Variants in VAV2 observed in about 807,000 individuals in gnomAD.
VAV2 encodes the protein guanine nucleotide exchange factor VAV2.
In VAV2, 67 loss-of-function variants were observed where a neutral mutation model predicts 132.5. The ratio of observed to expected loss-of-function variants is 0.51; its 90% CI spans 0.42 to 0.62. The LOEUF is 0.62. VAV2 is among the 20% of genes least tolerant of loss of function. VAV2 has a pLI of 0.00. For missense variants in VAV2, 938 were observed against 1,153.6 expected (o/e 0.81, Z 2.71); for synonymous variants, 492 against 443.5 (o/e 1.11, Z -1.37).
intron 1 of VAV2, among the ~76,000 whole-genome samples, chr9:133,985,143 A>G (rs1030036690): frequency 7.9e-5 from 12 of 151,912 alleles, no homozygotes; most frequent in African/African-American, 2.9e-4. Flanking sequence ...ACATACACCA[A>G]TTCCCCAGGT....
intron 1 of VAV2, among the ~76,000 whole-genome samples, chr9:133,957,628 G>T (rs1040758491): frequency 1.2e-4 from 19 of 152,098 alleles, no homozygotes; most frequent in African/African-American, 4.3e-4. Flanking sequence ...GGCAGAGCAG[G>T]AAATGGAGGA....
intron 2 of VAV2, among the ~76,000 whole-genome samples, chr9:133,875,583 A>G (rs1838229529): frequency 6.6e-6 from 1 of 152,216 alleles, no homozygotes; most frequent in South Asian, 2.1e-4. Flanking sequence ...GGAGGCACAG[A>G]CTGCCCGGCA....
At chr9:133,927,464 G>C (rs543539549) in intron 2 of VAV2, among the ~76,000 whole-genome samples, 1 of 152,138 alleles carries the variant, frequency 6.6e-6, no homozygotes, top group Non-Finnish European at 1.5e-5. Context: ...CCGATTCCAC[G>C]GGGCAGTCTT....
chr9:133,898,407 G>T (rs1839300857), intron 2 of VAV2, among the ~76,000 whole-genome samples: 3 of 151,604 alleles, frequency 2.0e-5, no homozygotes. Context: ...TGGCCAACAT[G>T]GCAAAACCTT....
At chr9:133,878,145 C>T (rs552939418) in intron 2 of VAV2, among the ~76,000 whole-genome samples, 1 of 152,352 alleles carries the variant, frequency 6.6e-6, no homozygotes, top group South Asian at 2.1e-4. Context: ...GCTCAGCACT[C>T]TCCGCCGGCC....
chr9:133,812,012 G>T, intron 5 of VAV2, 102 bp downstream of exon 5: 4 of 1,227,758 alleles, frequency 3.3e-6, no homozygotes, highest in Non-Finnish European at 4.7e-6. Flanking sequence ...CTCCCCTTCG[G>T]TGGCTCAGAC....
At chr9:133,849,330 C>T (rs184172576) in intron 3 of VAV2, among the ~76,000 whole-genome samples, 8 of 152,292 alleles carry the variant, frequency 5.3e-5, no homozygotes, top group African/African-American at 1.9e-4. Flanking sequence ...CCACCAGCTG[C>T]GGGCCTCCTC....
At position 133,802,136 on chromosome 9, in the gene VAV2, G is replaced by T. The variant is rs1203750899; in HGVS notation, c.836+3945C>A. On this transcript the variant is annotated intron_variant, in intron 9 of 29. Coordinates refer to ENST00000371850, the MANE Select transcript of VAV2 (RefSeq NM_001134398.2). This position sits in a 1 kb window ranked among gnomAD's most constrained non-coding sequence, Gnocchi z 5.8. ...TTGACTTTTCCCCGAAAAATGGAGAGAAAATGACAGTGACTCCAAGCCTAT... is the reference window on the plus strand; with the variant it reads ...TTGACTTTTCCCCGAAAAATGGAGATAAAATGACAGTGACTCCAAGCCTAT... Among the ~76,000 whole-genome samples, 4 of 152,118 alleles carry T rather than the reference G, an allele frequency of 2.6e-5. No homozygotes were observed. Among genetic ancestry groups the T allele is most frequent in the Non-Finnish European group, 5.9e-5 (4 of 68,026 alleles).
chr9:133,829,502 A>C (rs959863772), intron 4 of VAV2, among the ~76,000 whole-genome samples: 1 of 152,270 alleles, frequency 6.6e-6, no homozygotes, highest in Non-Finnish European at 1.5e-5. Flanking sequence ...CCTGCGCCCA[A>C]GTGCGAGCTC....
rs535871354 is a variant in VAV2 at position 133,890,779 on chromosome 9, T to C, written c.322-29347A>G. Among the ~76,000 whole-genome samples, 29 of 152,276 alleles carry C rather than the reference T, an allele frequency of 1.9e-4. No individual in the cohort carries two copies. The South Asian group carries it at 5.4e-3, about 28-fold the overall frequency. The stretch of plus-strand genomic sequence containing the variant: ...AGATGGCAGGAGCTCAGCAGCTACC[T>C]TGAAGCACTTAGGTGGAAGCCGCAC... On this transcript the variant is annotated intron_variant, in intron 2 of 29. Transcript: ENST00000371850.
chr9:133,903,959 G>A (rs191352036), intron 2 of VAV2, among the ~76,000 whole-genome samples: 81 of 152,310 alleles, frequency 5.3e-4, no homozygotes, highest in Admixed American at 1.6e-3. Flanking sequence ...AGATGTAAAC[G>A]ATTGAGCAAA....
chr9:133,872,413 T>C (rs1263092655), intron 2 of VAV2, among the ~76,000 whole-genome samples: 1 of 152,242 alleles, frequency 6.6e-6, no homozygotes, highest in Non-Finnish European at 1.5e-5. Context: ...AAAGGGCTGA[T>C]GGCGTCCTCA....
intron 3 of VAV2, among the ~76,000 whole-genome samples, chr9:133,855,980 A>T (rs1160755388): frequency 6.6e-6 from 1 of 152,220 alleles, no homozygotes; most frequent in African/African-American, 2.4e-5. Flanking sequence ...GGCCATAAAG[A>T]GGAATGACGC....
Position 133,834,285 on chromosome 9 carries a change from C to T in VAV2, c.436G>A (p.Glu146Lys). Residue 146 changes from glutamate to lysine, a missense_variant, in exon 4 of 30, where the codon GAG becomes AAG. Physicochemically the swap from Glu to Lys is moderately conservative, Grantham distance 56. Transcript: ENST00000371850. The surrounding 1 kb of genome is among the most constrained non-coding windows in gnomAD (Gnocchi z 5.9). The part of the protein sequence containing the change: ...ENDDDVYRSL[E>K]ELADEHDLGE... The stretch of plus-strand genomic sequence containing the variant: ...CCCCCGCCTTACTCGGCCAGCTCCT[C>T]CAGGCTGCGGTAGACGTCATCGTCA... 1 of 1,611,970 alleles carries T rather than the reference C, an allele frequency of 6.2e-7. No homozygotes were observed. The highest frequency in any genetic ancestry group is 8.5e-7 in the Non-Finnish European group (1 of 1,179,120).
Position 133,957,734 on chromosome 9 carries a change from G to C in VAV2, c.205-18515C>G, listed in dbSNP as rs988639812. On this transcript the variant is annotated intron_variant, in intron 1 of 29. Coordinates refer to ENST00000371850, the MANE Select transcript of VAV2 (RefSeq NM_001134398.2). ...CCACTCCAAGTGACTGTCACAACCC[G>C]AGAGCCTATGGCCAAGATGAGCTCC... is the stretch of plus-strand genomic sequence containing the variant. Among the ~76,000 whole-genome samples, 50 of 152,208 alleles carry C rather than the reference G, an allele frequency of 3.3e-4. 1 individual carries two copies. Among genetic ancestry groups the C allele is most frequent in the Non-Finnish European group, 5.1e-4 (35 of 68,028 alleles).
intron 2 of VAV2, among the ~76,000 whole-genome samples, chr9:133,922,781 A>G (rs535178913): frequency 6.6e-6 from 1 of 152,354 alleles, no homozygotes; most frequent in South Asian, 2.1e-4. Context: ...AAGTTTCATG[A>G]CATTGGATTT....
chr9:133,784,443 T>C lies in VAV2; in HGVS notation c.1533-25A>G, dbSNP rs559778503. 28 of 1,612,522 alleles carry C rather than the reference T, an allele frequency of 1.7e-5. No individual in the cohort carries two copies. In the South Asian group the frequency reaches 2.5e-4, roughly 15 times the overall value. Reference sequence around the variant, plus strand: ...CCTGGCAGGAGGGAAAGAGAGCAGATGCTACACCCACTGGATTCCCCGAGC... The same window carrying C: ...CCTGGCAGGAGGGAAAGAGAGCAGACGCTACACCCACTGGATTCCCCGAGC... On this transcript the variant is annotated intron_variant, in intron 17 of 29. Coordinates refer to ENST00000371850, the MANE Select transcript of VAV2 (RefSeq NM_001134398.2).
At chr9:133,958,141 ATGGCCTCG>A (rs1247580707) in intron 1 of VAV2, among the ~76,000 whole-genome samples, 1 of 140,858 alleles carries the variant, frequency 7.1e-6, no homozygotes, top group Non-Finnish European at 1.6e-5. Flanking sequence ...AGTCTGAAAT[ATGGCCTCG>A]TGGGAAGGGA....
intron 1 of VAV2, among the ~76,000 whole-genome samples, chr9:133,981,297 G>A (rs919235708): frequency 1.3e-5 from 2 of 152,184 alleles, no homozygotes; most frequent in Non-Finnish European, 2.9e-5. Flanking sequence ...TAGTGACCAC[G>A]ACCACACCCC....
Sources: gnomAD v4.1 joint callset for allele counts (sites outside exome capture counted in the v4.1 genomes callset) on GRCh38, gnomAD v4.1.1 for gene constraint, Gnocchi (gnomAD v3.1) non-coding constraint, MANE v1.5 for transcripts, NCBI Gene and HGNC (gene_info 2026-07-23, HGNC 2026-07-21) for gene names.